Variants in TBC1D1 observed in about 807,000 individuals in gnomAD.
The protein encoded by TBC1D1 is TBC1 (tre-2/USP6, BUB2, cdc16) domain family, member 1.
Under a neutral mutation model 125.6 loss-of-function variants are expected in TBC1D1, and 89 were observed. The observed-to-expected ratio is 0.71, with a 90% CI of 0.60 to 0.85. TBC1D1 has a LOEUF of 0.85. Among genes scored for constraint, TBC1D1 ranks in the 40% least tolerant of loss-of-function variants. The probability of loss-of-function intolerance (pLI) is 0.00; values close to 1 mark genes in which losing one functional copy is unlikely to be tolerated. For synonymous variants in TBC1D1, 565 were observed against 564.1 expected, an observed-to-expected ratio of 1.00 and a Z score of -0.02; for missense variants, 1,377 against 1,469.2, an observed-to-expected ratio of 0.94 and a Z score of 1.03.
At chr4:38,068,677 T>C (rs1754162175) in intron 12 of TBC1D1, among the ~76,000 whole-genome samples, 1 of 152,222 alleles carries the variant, frequency 6.6e-6, no homozygotes, top group Non-Finnish European at 1.5e-5. Context: ...TATACTTAAA[T>C]GTAATAAAAA....
chr4:38,058,295 T>C (rs1752117051), intron 12 of TBC1D1, among the ~76,000 whole-genome samples: 1 of 152,168 alleles, frequency 6.6e-6, no homozygotes, highest in African/African-American at 2.4e-5. Flanking sequence ...GTGACCACTT[T>C]GACCCACACT....
chr4:38,017,167 G>T (rs957324618), intron 3 of TBC1D1, among the ~76,000 whole-genome samples: 2 of 152,150 alleles, frequency 1.3e-5, no homozygotes, highest in African/African-American at 4.8e-5. Context: ...CACCTTATGA[G>T]ATTTTCAAAG....
chr4:37,961,202 C>T (rs552749503), intron 2 of TBC1D1: 88 of 776,020 alleles, frequency 1.1e-4, no homozygotes, highest in Non-Finnish European at 1.6e-4. Flanking sequence ...TACTACAGCC[C>T]GTACTCTTTG....
intron 12 of TBC1D1, among the ~76,000 whole-genome samples, chr4:38,063,467 GT>G (rs34723833): frequency 0.38 from 57,945 of 151,878 alleles, 11,544 homozygotes; most frequent in East Asian, 0.63. Flanking sequence ...TGAGGAGGGA[GT>G]TTTTTTAGAA....
chr4:38,022,121 G>A (rs1048154404), intron 6 of TBC1D1, among the ~76,000 whole-genome samples: 2 of 152,188 alleles, frequency 1.3e-5, no homozygotes, highest in Admixed American at 6.5e-5. Flanking sequence ...CATTAGTAAC[G>A]TCTGCTAGTA....
At chr4:38,035,536 C>T in intron 7 of TBC1D1, 52 bp from the exon 8 acceptor site, 1 of 1,447,266 alleles carries the variant, frequency 6.9e-7, no homozygotes, top group African/African-American at 1.4e-5. Context: ...GACGGCTTAG[C>T]AATATTGTTG....
chr4:37,962,221 G>A (rs1392754564), intron 2 of TBC1D1, among the ~76,000 whole-genome samples: 1 of 152,180 alleles, frequency 6.6e-6, no homozygotes, highest in Non-Finnish European at 1.5e-5. Context: ...TCCATTAGGT[G>A]TGGGCATAAG....
chr4:37,898,843 GA>G (rs1156299755), intron 1 of TBC1D1, among the ~76,000 whole-genome samples: 4 of 152,142 alleles, frequency 2.6e-5, no homozygotes, highest in Admixed American at 2.6e-4. Context: ...GAGGAGAGAG[GA>G]ACCGTATGCA....
chr4:38,013,033 T>C (rs1560616217), intron 2 of TBC1D1, among the ~76,000 whole-genome samples: 1 of 152,176 alleles, frequency 6.6e-6, no homozygotes, highest in Non-Finnish European at 1.5e-5. Context: ...GACCTCCTGA[T>C]CTGCCCTCCT....
chr4:37,927,753 T>C (rs1722414981), intron 2 of TBC1D1, among the ~76,000 whole-genome samples: 1 of 152,192 alleles, frequency 6.6e-6, no homozygotes, highest in Non-Finnish European at 1.5e-5. Context: ...ATTGTTAGGT[T>C]AGCTGGCACA....
At chr4:37,939,870 C>G (rs1725180101) in intron 2 of TBC1D1, among the ~76,000 whole-genome samples, 1 of 152,144 alleles carries the variant, frequency 6.6e-6, no homozygotes, top group Non-Finnish European at 1.5e-5. Flanking sequence ...CTGTTCTGTT[C>G]CATTGGACTA....
intron 12 of TBC1D1, among the ~76,000 whole-genome samples, chr4:38,076,182 A>G (rs956644435): frequency 2.0e-5 from 3 of 152,182 alleles, no homozygotes; most frequent in Non-Finnish European, 4.4e-5. Flanking sequence ...GGGGAAGCAA[A>G]CATGTCCTTC....
intron 1 of TBC1D1, among the ~76,000 whole-genome samples, chr4:37,893,965 A>C (rs1339923719): frequency 6.6e-6 from 1 of 151,116 alleles, no homozygotes; most frequent in African/African-American, 2.4e-5. Context: ...AAAGACATGA[A>C]GGTTTTCATG....
At chr4:38,038,894 C>G (rs1261189718) in intron 8 of TBC1D1, among the ~76,000 whole-genome samples, 1 of 150,442 alleles carries the variant, frequency 6.6e-6, no homozygotes, top group African/African-American at 2.5e-5. Context: ...TGCAGTGAGC[C>G]GAGGTCGCAC....
At chr4:37,910,915 T>C (rs1157314549) in intron 2 of TBC1D1, among the ~76,000 whole-genome samples, 1 of 151,946 alleles carries the variant, frequency 6.6e-6, no homozygotes, top group Admixed American at 6.6e-5. Flanking sequence ...CACACAAATA[T>C]ATATACCTAC....
At chr4:37,898,090 A>G (rs568996911) in intron 1 of TBC1D1, among the ~76,000 whole-genome samples, 1 of 152,368 alleles carries the variant, frequency 6.6e-6, no homozygotes, top group Admixed American at 6.5e-5. Flanking sequence ...AGCATTGTGC[A>G]TATATATTAT....
At chr4:37,928,526 A>T (rs959856892) in intron 2 of TBC1D1, among the ~76,000 whole-genome samples, 2 of 152,166 alleles carry the variant, frequency 1.3e-5, no homozygotes, top group African/African-American at 4.8e-5. Context: ...GACAAGATCC[A>T]CTGCTCTGTT....
intron 18 of TBC1D1, among the ~76,000 whole-genome samples, chr4:38,129,875 T>C (rs1025569531): frequency 6.6e-6 from 1 of 152,192 alleles, no homozygotes; most frequent in Non-Finnish European, 1.5e-5. Flanking sequence ...ACCAAGGGTA[T>C]ACTGTATGCA....
At position 38,049,856 on chromosome 4, in the gene TBC1D1, T is replaced by C. The variant is rs368638065; in HGVS notation, c.1868T>C (p.Met623Thr). The change falls in exon 11 of 20, where the codon ATG becomes ACG. Residue 623 changes from methionine (M) to threonine (T), a missense_variant. Met to Thr is a moderately conservative substitution (Grantham distance 81). Around this residue, in one of 3 missense-constraint regions of TBC1D1, gnomAD observed 822 missense variants for 824.6 expected, o/e 1.00. Transcript: ENST00000261439. ...CCGGGGGTTTCGCAAAGGAAACTTA[T>C]GAGGTATCACTCAGTGAGCACAGAG... 63 of 1,614,018 alleles carry C rather than the reference T, an allele frequency of 3.9e-5. No individual in the cohort carries two copies. Among genetic ancestry groups the C allele is most frequent in the Non-Finnish European group, 4.8e-5 (57 of 1,180,030 alleles).
Sources: allele counts gnomAD v4.1 joint callset (sites outside exome capture counted in the v4.1 genomes callset), GRCh38; gene constraint gnomAD v4.1.1; regional missense constraint gnomAD v4.1.1; transcripts MANE v1.5; gene names NCBI Gene and HGNC (gene_info 2026-07-23, HGNC 2026-07-21).